Variants in RBFOX1 observed in about 807,000 individuals in gnomAD.
The protein encoded by RBFOX1 is RNA binding fox-1 homolog 1.
Under a neutral mutation model 57.7 loss-of-function variants are expected in RBFOX1, and 8 were observed. That is an observed-to-expected ratio of 0.14 (90% CI 0.08 to 0.25). RBFOX1 has a LOEUF of 0.25. Among genes scored for constraint, RBFOX1 ranks in the 10% least tolerant of loss-of-function variants. The pLI is 1.00. For missense variants in RBFOX1, 611 were observed against 548.5 expected (o/e 1.11, Z -1.14); for synonymous variants, 326 against 222.4 (o/e 1.47, Z -4.15).
intron 1 of RBFOX1, among the ~76,000 whole-genome samples, chr16:6,106,602 C>G (rs2096382573): frequency 6.6e-6 from 1 of 152,108 alleles, no homozygotes; most frequent in African/African-American, 2.4e-5. Context: ...AAAGTCTCTT[C>G]ATTGCCAAGG....
At chr16:6,859,125 A>ATATGTATATATATG (rs2058454440) in intron 3 of RBFOX1, among the ~76,000 whole-genome samples, 1 of 66,328 alleles carries the variant, frequency 1.5e-5, no homozygotes, top group African/African-American at 9.5e-5. Context: ...ATATATATAT[A>ATATGTATATATATG]TATACATATA....
intron 4 of RBFOX1, among the ~76,000 whole-genome samples, chr16:5,882,805 A>G (rs1192894036): frequency 6.6e-6 from 1 of 152,182 alleles, no homozygotes; most frequent in Non-Finnish European, 1.5e-5. Flanking sequence ...GAAAAATCTC[A>G]TGCTGTGGAG....
chr16:5,397,457 C>A (rs983504477), intron 1 of RBFOX1, among the ~76,000 whole-genome samples: 1 of 152,224 alleles, frequency 6.6e-6, no homozygotes, highest in African/African-American at 2.4e-5. Flanking sequence ...CATGTGAGGT[C>A]TGTGGTACTT....
chr16:6,129,814 G>A (rs2096617294), intron 1 of RBFOX1, among the ~76,000 whole-genome samples: 1 of 150,732 alleles, frequency 6.6e-6, no homozygotes, highest in South Asian at 2.1e-4. Flanking sequence ...TGCAGGGGAT[G>A]AATGGTACAA....
intron 5 of RBFOX1, among the ~76,000 whole-genome samples, chr16:7,529,919 G>C (rs2079602234): frequency 6.7e-6 from 1 of 148,704 alleles, no homozygotes; most frequent in African/African-American, 2.5e-5. Flanking sequence ...GGAGGCAGGA[G>C]AATCACTTGA....
chr16:6,812,243 T>A (rs1603627815), intron 3 of RBFOX1, among the ~76,000 whole-genome samples: 1 of 152,194 alleles, frequency 6.6e-6, no homozygotes, highest in South Asian at 2.1e-4. Flanking sequence ...ATTTCCTGTT[T>A]TGTTAAGAAA....
intron 1 of RBFOX1, among the ~76,000 whole-genome samples, chr16:5,429,009 G>A (rs563368598): frequency 2.6e-5 from 4 of 152,178 alleles, no homozygotes; most frequent in African/African-American, 9.6e-5. Flanking sequence ...TTTTTAAATG[G>A]AAGTACCAGG....
At chr16:7,159,820 C>A (rs931869391) in intron 4 of RBFOX1, among the ~76,000 whole-genome samples, 2 of 152,176 alleles carry the variant, frequency 1.3e-5, no homozygotes, top group African/African-American at 4.8e-5. Flanking sequence ...CCTGTACCAA[C>A]AGAATGTTGT....
intron 2 of RBFOX1, among the ~76,000 whole-genome samples, chr16:6,398,098 G>A (rs931844634): frequency 1.3e-5 from 2 of 152,128 alleles, no homozygotes; most frequent in African/African-American, 4.8e-5. Flanking sequence ...TCTTCACGTG[G>A]TAGCAGGAAA....
chr16:5,818,594 A>C (rs977557118), intron 3 of RBFOX1, among the ~76,000 whole-genome samples: 1 of 152,298 alleles, frequency 6.6e-6, no homozygotes, highest in South Asian at 2.1e-4. Context: ...TTTTTGAACA[A>C]TATTTACTTT....
At chr16:5,398,568 G>A (rs1009241139) in intron 1 of RBFOX1, among the ~76,000 whole-genome samples, 29 of 126,644 alleles carry the variant, frequency 2.3e-4, no homozygotes, top group Non-Finnish European at 4.6e-4. Context: ...GCATCTGTAC[G>A]TGTGTGTGTG....
At chr16:6,010,456 C>G (rs888139294) in intron 4 of RBFOX1, among the ~76,000 whole-genome samples, 1 of 152,208 alleles carries the variant, frequency 6.6e-6, no homozygotes, top group Non-Finnish European at 1.5e-5. Context: ...TGAGGACATT[C>G]TTTTTGTTGG....
chr16:7,339,309 T>C (rs1018727203), intron 4 of RBFOX1, among the ~76,000 whole-genome samples: 2 of 152,168 alleles, frequency 1.3e-5, no homozygotes, highest in African/African-American at 4.8e-5. Context: ...GACTAGGTGA[T>C]GTGGTAGAAT....
At chr16:5,375,341 A>G (rs1390704642) in intron 1 of RBFOX1, among the ~76,000 whole-genome samples, 3 of 152,114 alleles carry the variant, frequency 2.0e-5, no homozygotes, top group Non-Finnish European at 4.4e-5. Context: ...AGTGAAGAGG[A>G]CAGTGAGGTT....
intron 3 of RBFOX1, among the ~76,000 whole-genome samples, chr16:6,992,837 CAAAAAAAA>C (rs3048923): frequency 8.4e-6 from 1 of 118,590 alleles, no homozygotes; most frequent in African/African-American, 3.2e-5. Context: ...CTTCCTTTTC[CAAAAAAAA>C]AAAAAAAAAG....
chr16:7,158,653 A>G (rs111503897), intron 4 of RBFOX1, among the ~76,000 whole-genome samples: 4 of 150,686 alleles, frequency 2.7e-5, no homozygotes, highest in Non-Finnish European at 5.9e-5. Context: ...TGGTGTGTCT[A>G]TGGTGCGTGC....
At chr16:6,508,484 C>T (rs764324200) in intron 2 of RBFOX1, among the ~76,000 whole-genome samples, 1 of 152,018 alleles carries the variant, frequency 6.6e-6, no homozygotes, top group Admixed American at 6.6e-5. Flanking sequence ...AAAAAGAAAA[C>T]ATAATTCAGC....
intron 2 of RBFOX1, among the ~76,000 whole-genome samples, chr16:6,457,662 G>A (rs191667404): frequency 7.9e-5 from 12 of 152,248 alleles, no homozygotes; most frequent in Admixed American, 7.2e-4. Context: ...TTGAAATCCT[G>A]GAAATTATTG....
intron 4 of RBFOX1, among the ~76,000 whole-genome samples, chr16:5,922,193 C>G (rs1366931404): frequency 2.0e-5 from 3 of 152,158 alleles, no homozygotes; most frequent in Non-Finnish European, 2.9e-5. Context: ...CCCTAGCTCT[C>G]TATGTGAACT....
Sources: gnomAD v4.1 joint callset for allele counts (sites outside exome capture counted in the v4.1 genomes callset) on GRCh38, gnomAD v4.1.1 for gene constraint, MANE v1.5 for transcripts, NCBI Gene and HGNC (gene_info 2026-07-23, HGNC 2026-07-21) for gene names.